The following TMEM116 variants were observed in gnomAD, a reference collection of about 807,000 sequenced individuals.
TMEM116 encodes the protein transmembrane protein 116.
TMEM116 carries 38 observed loss-of-function variants against 44.3 expected under a neutral mutation model. That is an observed-to-expected ratio of 0.86 (90% CI 0.66 to 1.12). TMEM116 has a LOEUF of 1.12. Ranked by LOEUF, TMEM116 falls within the 50% of genes most tolerant of loss-of-function variation. TMEM116 has a pLI of 0.00. For missense variants in TMEM116, 354 were observed against 401.7 expected, an observed-to-expected ratio of 0.88 and a Z score of 1.01; for synonymous variants, 132 against 144.8, an observed-to-expected ratio of 0.91 and a Z score of 0.64.
chr12:111,960,181 T>C (rs1181152891), intron 4 of TMEM116, among the ~76,000 whole-genome samples: 1 of 152,022 alleles, frequency 6.6e-6, no homozygotes, highest in Non-Finnish European at 1.5e-5. Flanking sequence ...AAATTAGAAC[T>C]CAGGATTAAG....
At chr12:111,980,829 T>G (rs1444114547) in intron 4 of TMEM116, among the ~76,000 whole-genome samples, 1 of 152,146 alleles carries the variant, frequency 6.6e-6, no homozygotes, top group East Asian at 1.9e-4. Context: ...ATCTCAGCAC[T>G]TTGGAAGGCT....
At chr12:111,975,048 C>T (rs1208487115) in intron 4 of TMEM116, among the ~76,000 whole-genome samples, 1 of 152,182 alleles carries the variant, frequency 6.6e-6, no homozygotes. Context: ...GGTCAGAAGA[C>T]TAAATATTGT....
rs574541498 is a variant in TMEM116, at chr12:112,008,680, A to C, written c.-33-3377T>G. On this transcript the variant is annotated intron_variant, in intron 1 of 10. Coordinates refer to ENST00000552374, the MANE Select transcript of TMEM116 (RefSeq NM_001193531.2). ...AAAGTTTTCTAAAAATAACATTTAAAGATTTCTAAGGCCAGGCACGGTGGA... is the reference window on the plus strand; with the variant it reads ...AAAGTTTTCTAAAAATAACATTTAACGATTTCTAAGGCCAGGCACGGTGGA... Among the ~76,000 whole-genome samples the C allele has an allele frequency of 2.6e-5, 4 of 152,274 alleles. No homozygotes were observed. The East Asian group carries it at 7.7e-4, about 29-fold the overall frequency.
intron 10 of TMEM116, among the ~76,000 whole-genome samples, chr12:111,932,127 G>A (rs557502694): frequency 3.9e-5 from 6 of 151,984 alleles, no homozygotes; most frequent in Non-Finnish European, 5.9e-5. Flanking sequence ...CTGTCTCATC[G>A]GAATAGTCAG....
intron 7 of TMEM116, 129 bp downstream of exon 7, chr12:111,937,031 T>G: frequency 9.7e-7 from 1 of 1,035,638 alleles, no homozygotes; most frequent in East Asian, 2.6e-5. Flanking sequence ...TTACTACATC[T>G]TGTTCCTTAG....
At chr12:111,961,951 T>G (rs2074619341) in intron 4 of TMEM116, among the ~76,000 whole-genome samples, 1 of 152,232 alleles carries the variant, frequency 6.6e-6, no homozygotes, top group Non-Finnish European at 1.5e-5. Context: ...CTCCTTAAGC[T>G]GATAAGCAAC....
chr12:111,938,359 CA>C (rs1159222435), intron 5 of TMEM116, 149 bp from the exon 6 acceptor site: 71 of 505,162 alleles, frequency 1.4e-4, no homozygotes, highest in Non-Finnish European at 2.4e-4. Flanking sequence ...TAAAATTCAT[CA>C]AATAGATAGT....
At position 111,937,192 on chromosome 12, in the gene TMEM116, A is replaced by G; in HGVS notation, c.417T>C (p.Ser139=). The change falls in exon 7 of 11, where the codon AGT becomes AGC. Residue 139 remains serine, a synonymous_variant. Coordinates refer to ENST00000552374, the MANE Select transcript of TMEM116 (RefSeq NM_001193531.2). Reference sequence around the variant, plus strand: ...TCTGACTGAAGTTTTGGAAACATTCACTAGTATTTCCCAGACAGAATACAG... The same window carrying G: ...TCTGACTGAAGTTTTGGAAACATTCGCTAGTATTTCCCAGACAGAATACAG... ...MTPVFCLGNT[S]ECFQNFSQSH... The G allele has an allele frequency of 4.3e-6, 7 of 1,613,912 alleles. No individual in the cohort carries two copies. Among genetic ancestry groups the G allele is most frequent in the Non-Finnish European group, 4.2e-6 (5 of 1,179,884 alleles).
intron 4 of TMEM116, among the ~76,000 whole-genome samples, chr12:111,958,423 C>T (rs1274351032): frequency 6.6e-6 from 1 of 151,364 alleles, no homozygotes; most frequent in African/African-American, 2.4e-5. Flanking sequence ...ATTCCAAAAA[C>T]CAAAACACCT....
At chr12:111,982,304 CTTT>C (rs35312059) in intron 4 of TMEM116, among the ~76,000 whole-genome samples, 1 of 143,842 alleles carries the variant, frequency 7.0e-6, no homozygotes. Context: ...AAATGCATAC[CTTT>C]TTTTTTTTTT....
At chr12:112,009,803 G>A (rs549038467) in intron 1 of TMEM116, among the ~76,000 whole-genome samples, 5 of 150,600 alleles carry the variant, frequency 3.3e-5, no homozygotes, top group South Asian at 4.2e-4. Context: ...CTGAGATCAG[G>A]CCTCTGAACT....
chr12:111,986,174 G>A (rs916367859), intron 4 of TMEM116, among the ~76,000 whole-genome samples: 2 of 151,090 alleles, frequency 1.3e-5, no homozygotes, highest in Non-Finnish European at 2.9e-5. Context: ...TGAGCAACAC[G>A]GCAAGATCCT....
At chr12:112,005,159 A>C in intron 2 of TMEM116, 98 bp downstream of exon 2, 1 of 747,256 alleles carries the variant, frequency 1.3e-6, no homozygotes, top group Non-Finnish European at 2.0e-6. Flanking sequence ...CTTTAACTAA[A>C]GAGTAAAAGC....
At chr12:111,987,657 C>A (rs2076302890) in intron 4 of TMEM116, among the ~76,000 whole-genome samples, 1 of 152,038 alleles carries the variant, frequency 6.6e-6, no homozygotes, top group Admixed American at 6.6e-5. Flanking sequence ...ACTTTATACC[C>A]ATTAGGATGG....
At chr12:111,965,735 C>T in intron 4 of TMEM116, 1 of 387,474 alleles carries the variant, frequency 2.6e-6, no homozygotes. Context: ...ACCAGCCTGG[C>T]AAACATGGCG....
chr12:111,988,998 A>C (rs1189182773), intron 4 of TMEM116, among the ~76,000 whole-genome samples: 1 of 149,174 alleles, frequency 6.7e-6, no homozygotes, highest in Non-Finnish European at 1.5e-5. Flanking sequence ...TCTCAAAAAC[A>C]AAAACAAAAC....
intron 4 of TMEM116, among the ~76,000 whole-genome samples, chr12:111,943,662 G>A (rs899136215): frequency 6.6e-6 from 1 of 152,186 alleles, no homozygotes; most frequent in Non-Finnish European, 1.5e-5. Context: ...AGCCTCCCGA[G>A]TAGCTGGGAT....
chr12:111,979,936 G>A (rs947767982), intron 4 of TMEM116, among the ~76,000 whole-genome samples: 2 of 152,162 alleles, frequency 1.3e-5, no homozygotes, highest in African/African-American at 4.8e-5. Flanking sequence ...ACCAAGTGCT[G>A]TTGAGGATGC....
chr12:111,999,370 G>A (rs1345000343), intron 3 of TMEM116, among the ~76,000 whole-genome samples: 2 of 152,046 alleles, frequency 1.3e-5, no homozygotes, highest in South Asian at 2.1e-4. Context: ...GGCCAAGGCG[G>A]GTGGATCACG....
Sources: gnomAD v4.1 joint callset for allele counts (sites outside exome capture counted in the v4.1 genomes callset) on GRCh38, gnomAD v4.1.1 for gene constraint, MANE v1.5 for transcripts, NCBI Gene and HGNC (gene_info 2026-07-23, HGNC 2026-07-21) for gene names.